Variants in AIDA observed in about 807,000 individuals in gnomAD.
AIDA encodes the protein axin interactor, dorsalization-associated protein.
In AIDA, 18 loss-of-function variants were observed where a neutral mutation model predicts 42.7. The observed-to-expected ratio is 0.42, with a 90% CI of 0.29 to 0.63. AIDA has a LOEUF of 0.63. Ranked by LOEUF, AIDA falls within the 20% of genes least tolerant of loss-of-function variation. The pLI is 0.19. For missense variants in AIDA, 250 were observed against 354.1 expected (o/e 0.71, Z 2.36); for synonymous variants, 104 against 122.9 (o/e 0.85, Z 1.02).
intron 2 of AIDA, among the ~76,000 whole-genome samples, chr1:222,700,691 C>T (rs1277345849): frequency 6.7e-6 from 1 of 150,328 alleles, no homozygotes; most frequent in African/African-American, 2.4e-5. Context: ...GGAGGCGGAG[C>T]TTGCAGTGAG....
intron 1 of AIDA, chr1:222,711,517 C>T (rs1323932687): frequency 6.6e-6 from 1 of 152,202 alleles, no homozygotes; most frequent in East Asian, 1.9e-4. Context: ...CCAAGGCAAC[C>T]GAGCGAGGGG....
At chr1:222,679,835 G>A (rs1162276547) in intron 6 of AIDA, among the ~76,000 whole-genome samples, 3 of 152,190 alleles carry the variant, frequency 2.0e-5, no homozygotes, top group African/African-American at 7.2e-5. Flanking sequence ...TGTAATGTAA[G>A]AAACATATGC....
chr1:222,677,439 T>G (rs2124950479), intron 6 of AIDA, among the ~76,000 whole-genome samples: 1 of 152,280 alleles, frequency 6.6e-6, no homozygotes, highest in East Asian at 1.9e-4. Flanking sequence ...TGGCCAGAAC[T>G]TCTAAAGCAC....
intron 2 of AIDA, 83 bp downstream of exon 2, chr1:222,703,065 G>GT (rs1655752530): frequency 2.7e-6 from 3 of 1,122,454 alleles, no homozygotes; most frequent in Non-Finnish European, 3.8e-6. Flanking sequence ...TTGTTTTGTT[G>GT]TTTTTTGTTT....
intron 1 of AIDA, chr1:222,712,004 A>C: frequency 1.5e-6 from 1 of 671,588 alleles, no homozygotes; most frequent in Non-Finnish European, 2.5e-6. Context: ...AGAGGGAAGA[A>C]GGCGAGTCAC....
chr1:222,702,362 G>C (rs1208795453), intron 2 of AIDA, among the ~76,000 whole-genome samples: 1 of 151,904 alleles, frequency 6.6e-6, no homozygotes, highest in Non-Finnish European at 1.5e-5. Context: ...TAAGAGATGG[G>C]GAATAGACTG....
Position 222,669,792 on chromosome 1 carries a change from C to T in AIDA, c.*101G>A, listed in dbSNP as rs1285987995. On this transcript the variant is annotated 3_prime_UTR_variant, in exon 10 of 10. Transcript: ENST00000340020. ...GTCCGGCCTACTGGTCTGGGTACGG[C>T]TTGCTTCCTGCCTGTTGAAGGGTGA... 23 of 1,091,974 alleles carry T rather than the reference C, an allele frequency of 2.1e-5. No individual in the cohort carries two copies. Among genetic ancestry groups the T allele is most frequent in the Non-Finnish European group, 2.1e-5 (16 of 759,342 alleles). The allele number at this position is 1,091,974 out of a possible 1,614,324, so 67.6% of individuals were successfully genotyped here.
chr1:222,686,613 T>C (rs1558210658), intron 6 of AIDA, among the ~76,000 whole-genome samples: 1 of 152,158 alleles, frequency 6.6e-6, no homozygotes, highest in African/African-American at 2.4e-5. Context: ...TTTGCACATA[T>C]GCCTTTTCTG....
chr1:222,704,888 T>C (rs1042828846), intron 1 of AIDA, among the ~76,000 whole-genome samples: 6 of 152,310 alleles, frequency 3.9e-5, no homozygotes, highest in African/African-American at 1.4e-4. Flanking sequence ...TATTATGTAC[T>C]ATTCTGGGTG....
At chr1:222,704,762 CATGGAATTGT>C (rs1655794794) in intron 1 of AIDA, among the ~76,000 whole-genome samples, 1 of 152,020 alleles carries the variant, frequency 6.6e-6, no homozygotes, top group African/African-American at 2.4e-5. Context: ...CACTAAAAAC[CATGGAATTGT>C]ACGCTTTAAA....
chr1:222,674,210 G>A (rs1664506445), intron 7 of AIDA, among the ~76,000 whole-genome samples: 1 of 152,134 alleles, frequency 6.6e-6, no homozygotes, highest in African/African-American at 2.4e-5. Context: ...GTGTGAGCAG[G>A]TACCTGAAGA....
intron 4 of AIDA, among the ~76,000 whole-genome samples, chr1:222,689,481 G>GTATGTGTGTA: frequency 2.8e-5 from 1 of 35,366 alleles, no homozygotes; most frequent in African/African-American, 7.4e-5. Context: ...GTGTGTGTGT[G>GTATGTGTGTA]TATATATATA....
chr1:222,687,742 T>A lies in AIDA; in HGVS notation c.290-84A>T. The A allele has an allele frequency of 1.9e-6, 2 of 1,056,786 alleles. 1 individual carries two copies. Among genetic ancestry groups the A allele is most frequent in the South Asian group, 3.3e-5 (2 of 61,104 alleles). The allele number at this position is 1,056,786 out of a possible 1,614,324, so 65.5% of individuals were successfully genotyped here. The stretch of plus-strand genomic sequence containing the variant: ...TCTTAAATGATTAATTTTTAATCAA[T>A]TTTATTGTGCATATTAATATATATA... On this transcript the variant is annotated intron_variant, in intron 4 of 9. Transcript: ENST00000340020.
chr1:222,711,947 A>C, intron 1 of AIDA: 1 of 448,296 alleles, frequency 2.2e-6, no homozygotes, highest in Non-Finnish European at 4.0e-6. Flanking sequence ...CCTGCGCCCC[A>C]GGAAAGAAGG....
chr1:222,691,170 C>T (rs1655358890), intron 4 of AIDA, among the ~76,000 whole-genome samples: 1 of 152,186 alleles, frequency 6.6e-6, no homozygotes, highest in South Asian at 2.1e-4. Context: ...GAACCATATG[C>T]AGGCAGCTGT....
intron 4 of AIDA, among the ~76,000 whole-genome samples, chr1:222,691,179 G>A (rs1042925024): frequency 6.6e-6 from 1 of 152,238 alleles, no homozygotes; most frequent in Non-Finnish European, 1.5e-5. Context: ...GCAGGCAGCT[G>A]TAGGGAAAGG....
At chr1:222,704,435 A>T (rs1045753661) in intron 1 of AIDA, among the ~76,000 whole-genome samples, 2 of 152,258 alleles carry the variant, frequency 1.3e-5, no homozygotes, top group Non-Finnish European at 2.9e-5. Context: ...CTGATGGACA[A>T]AATGTGGTAT....
intron 1 of AIDA, among the ~76,000 whole-genome samples, chr1:222,705,626 G>A (rs1338906090): frequency 6.6e-6 from 1 of 152,234 alleles, no homozygotes; most frequent in Non-Finnish European, 1.5e-5. Context: ...GCTCACACCT[G>A]TAATCCCAGC....
At chr1:222,701,798 A>T (rs556770536) in intron 2 of AIDA, among the ~76,000 whole-genome samples, 1 of 152,312 alleles carries the variant, frequency 6.6e-6, no homozygotes, top group East Asian at 1.9e-4. Context: ...ATCTCAGCTC[A>T]CTGCAACCTC....
Sources: gnomAD v4.1 joint callset for allele counts (sites outside exome capture counted in the v4.1 genomes callset) on GRCh38, gnomAD v4.1.1 for gene constraint, MANE v1.5 for transcripts, NCBI Gene and HGNC (gene_info 2026-07-23, HGNC 2026-07-21) for gene names.